The following ARHGEF6 variants were observed in gnomAD, a reference collection of about 807,000 sequenced individuals.
ARHGEF6 encodes Rac/Cdc42 guanine nucleotide exchange factor 6.
ARHGEF6 carries 9 observed loss-of-function variants against 70.3 expected under a neutral mutation model. That is an observed-to-expected ratio of 0.13 (90% confidence interval 0.08 to 0.22). ARHGEF6 has a LOEUF of 0.22. Ranked by LOEUF, ARHGEF6 falls within the 10% of genes least tolerant of loss-of-function variation. ARHGEF6 has a pLI of 1.00. For synonymous variants in ARHGEF6, 201 were observed against 207.8 expected, an observed-to-expected ratio of 0.97 and a Z score of 0.28; for missense variants, 470 against 563.0, an observed-to-expected ratio of 0.83 and a Z score of 1.67.
chrX:136,755,983 A>AT (rs372098787), intron 2 of ARHGEF6, among the ~76,000 whole-genome samples: 1,430 of 109,735 alleles, frequency 0.013, 33 homozygotes, highest in African/African-American at 0.045. Context: ...CATGATGTCA[A>AT]TTTTTTTTTC....
chrX:136,746,618 C>T (rs747025522), intron 3 of ARHGEF6, among the ~76,000 whole-genome samples: 1 of 111,468 alleles, frequency 9.0e-6, no homozygotes, highest in South Asian at 3.7e-4. Context: ...TAGCACCTGG[C>T]GATGCTGGGC....
chrX:136,668,533 C>CTTCTTATTATTATTATTA (rs61661248), intron 21 of ARHGEF6, among the ~76,000 whole-genome samples: 1 of 98,461 alleles, frequency 1.0e-5, no homozygotes, highest in African/African-American at 3.8e-5. Context: ...TCTTCTTCTT[C>CTTCTTATTATTATTATTA]TTATTATTAT....
chrX:136,690,382 G>C (rs1053766569), intron 10 of ARHGEF6, among the ~76,000 whole-genome samples: 1 of 110,901 alleles, frequency 9.0e-6, no homozygotes, highest in Non-Finnish European at 1.9e-5. Context: ...AGAGAAGAGC[G>C]AAAAGGGAGA....
chrX:136,721,240 G>A (rs1369020011), intron 6 of ARHGEF6, among the ~76,000 whole-genome samples: 1 of 112,238 alleles, frequency 8.9e-6, no homozygotes, highest in Non-Finnish European at 1.9e-5. Context: ...GAAATCAGCG[G>A]ATGCATGGAC....
intron 6 of ARHGEF6, among the ~76,000 whole-genome samples, chrX:136,727,262 G>T (rs1252031382): frequency 9.0e-6 from 1 of 111,336 alleles, no homozygotes; most frequent in African/African-American, 3.3e-5. Flanking sequence ...AACAGCCAGA[G>T]AATTTGATGT....
At position 136,685,769 on chromosome X, in the gene ARHGEF6, C is replaced by A; in HGVS notation, c.1300G>T (p.Glu434Ter). 8.3e-7 allele frequency: 1 copy of A among 1,211,014 alleles called. No individual in the cohort carries two copies. Among genetic ancestry groups the A allele is most frequent in the Non-Finnish European group, 1.1e-6 (1 of 894,902 alleles). Residue 434 changes from glutamate (E) to a stop codon, truncating the protein, a stop_gained, in exon 12 of 22, where the codon GAA (glutamate) becomes TAA (stop). Transcript: ENST00000250617. LOFTEE classifies it high-confidence loss of function. ...TCTCCTTCCCATGCCTGAATAGGTT[C>A]GGACAGTATCTGTAACTCCAGCTGT... ...RKQLELQILS[E>*]PIQAWEGEDI...
rs2076336924 is a variant in ARHGEF6 at position 136,681,942 on chromosome X, C to T, written c.1506G>A (p.Val502=). 2 of 1,205,161 alleles carry T rather than the reference C, an allele frequency of 1.7e-6. No individual in the cohort carries two copies. The highest frequency in any genetic ancestry group is 2.2e-6 in the Non-Finnish European group (2 of 890,883). ...YQGKIPIAGT[V]VTRLDEIEGN... ...CTTCAATTTCATCTAATCTAGTCACCACCGTTCCTGCTATTGGTATTTTTC... is the reference window on the plus strand; with the variant it reads ...CTTCAATTTCATCTAATCTAGTCACTACCGTTCCTGCTATTGGTATTTTTC... Residue 502 remains valine (V), a synonymous_variant, in exon 14 of 22, where the codon GTG becomes GTA. Coordinates refer to ENST00000250617, the MANE Select transcript of ARHGEF6 (RefSeq NM_004840.3).
At chrX:136,736,362 T>C (rs939370087) in intron 5 of ARHGEF6, among the ~76,000 whole-genome samples, 4 of 111,936 alleles carry the variant, frequency 3.6e-5, no homozygotes, top group African/African-American at 1.3e-4. Flanking sequence ...CCTTAATATA[T>C]GTTATGTAAC....
In ARHGEF6 at chrX:136,711,424, CTATT is replaced by C. The variant is rs751437798; in HGVS notation, c.827+1848_827+1851del. On this transcript the variant is annotated intron_variant, in intron 7 of 21. Transcript: ENST00000250617. ...ACCTGTCTGGACTTCAGCTTCTTCT[CTATT>C]TAATAGAGATAGTCATTTCTCCCAG... is the stretch of plus-strand genomic sequence containing the variant. Among the ~76,000 whole-genome samples, 16 of 111,839 alleles carry C rather than the reference CTATT, an allele frequency of 1.4e-4. 1 individual carries two copies. Among genetic ancestry groups the C allele is most frequent in the Non-Finnish European group, 2.4e-4 (13 of 53,159 alleles).
chrX:136,680,871 T>C lies in ARHGEF6; in HGVS notation c.1564A>G (p.Thr522Ala). Reference protein sequence around the residue: ...NDCTFEITGNTVERIVVHCNN... With the variant: ...NDCTFEITGNAVERIVVHCNN... ...CAATGGACCACAATTCTCTCCACTG[T>C]GTTACCTACATCCCCCAATTATGAT... Residue 522 changes from threonine to alanine, a missense_variant, in exon 15 of 22, where the codon ACA becomes GCA. Around this residue, in one of 3 missense-constraint regions of ARHGEF6, gnomAD observed 379 missense variants for 449.3 expected, o/e 0.84. Coordinates refer to ENST00000250617, the MANE Select transcript of ARHGEF6 (RefSeq NM_004840.3). 2 of 1,211,818 alleles carry C rather than the reference T, an allele frequency of 1.7e-6. No individual in the cohort carries two copies. The highest frequency in any genetic ancestry group is 1.7e-5 in the African/African-American group (1 of 57,847).
chrX:136,677,075 TC>T (rs1218425565), intron 17 of ARHGEF6, among the ~76,000 whole-genome samples: 1 of 111,980 alleles, frequency 8.9e-6, no homozygotes, highest in Non-Finnish European at 1.9e-5. Flanking sequence ...TGGTTTACGT[TC>T]CCCACTGATA....
chrX:136,707,923 A>T (rs2076642724), intron 8 of ARHGEF6, among the ~76,000 whole-genome samples: 1 of 112,033 alleles, frequency 8.9e-6, no homozygotes, highest in Non-Finnish European at 1.9e-5. Flanking sequence ...GTATGAAGTT[A>T]AACATCTGGA....
intron 21 of ARHGEF6, among the ~76,000 whole-genome samples, chrX:136,668,606 T>C (rs932704076): frequency 3.7e-5 from 4 of 108,167 alleles, no homozygotes; most frequent in Non-Finnish European, 5.7e-5. Context: ...TGGAGTGCAG[T>C]GTAATCATGG....
intron 9 of ARHGEF6, among the ~76,000 whole-genome samples, chrX:136,693,952 G>A (rs2148598329): frequency 9.0e-6 from 1 of 111,436 alleles, no homozygotes; most frequent in South Asian, 3.8e-4. Flanking sequence ...TTTCAAGAGT[G>A]CCACTCACAC....
In ARHGEF6 at chrX:136,728,362, C is replaced by G. The variant is rs145660690; in HGVS notation, c.732+3740G>C. ...GGTCTGAGCTGGGTGCCCACAGCCA[C>G]TTTGGTCACACTGGACAACTATGTA... is the stretch of plus-strand genomic sequence containing the variant. On this transcript the variant is annotated intron_variant, in intron 6 of 21. Coordinates refer to ENST00000250617, the MANE Select transcript of ARHGEF6 (RefSeq NM_004840.3). Among the ~76,000 whole-genome samples, 253 of 110,778 alleles carry G rather than the reference C, an allele frequency of 2.3e-3. 1 individual carries two copies. The highest frequency in any genetic ancestry group is 7.8e-3 in the African/African-American group (239 of 30,454).
chrX:136,762,577 C>T (rs928646482), intron 2 of ARHGEF6, among the ~76,000 whole-genome samples: 26 of 111,512 alleles, frequency 2.3e-4, no homozygotes, highest in African/African-American at 8.5e-4. Context: ...CTGCAACCTC[C>T]ACCTCCCAGG....
intron 1 of ARHGEF6, 51 bp from the exon 2 acceptor site, chrX:136,779,548 C>T: frequency 9.4e-7 from 1 of 1,062,249 alleles, no homozygotes; most frequent in Non-Finnish European, 1.3e-6. Context: ...CCATGCCAAG[C>T]AAAGTATACT....
chrX:136,759,645 C>G (rs989260464), intron 2 of ARHGEF6, among the ~76,000 whole-genome samples: 1 of 105,956 alleles, frequency 9.4e-6, no homozygotes, highest in Non-Finnish European at 1.9e-5. Context: ...AAAAAAAAAG[C>G]CTCTTAAAAT....
At chrX:136,748,664 C>T (rs1475089391) in intron 2 of ARHGEF6, among the ~76,000 whole-genome samples, 1 of 111,565 alleles carries the variant, frequency 9.0e-6, no homozygotes, top group African/African-American at 3.3e-5. Context: ...TTAAAGAAAA[C>T]AGATTGCATC....
Sources: gnomAD v4.1 joint callset for allele counts (sites outside exome capture counted in the v4.1 genomes callset) on GRCh38, gnomAD v4.1.1 for gene constraint, gnomAD v4.1.1 regional missense constraint, MANE v1.5 for transcripts, NCBI Gene and HGNC (gene_info 2026-07-23, HGNC 2026-07-21) for gene names.